Variants in PLCG2 observed in about 807,000 individuals in gnomAD.
PLCG2 encodes 1-phosphatidylinositol 4,5-bisphosphate phosphodiesterase gamma-2.
PLCG2 carries 69 observed loss-of-function variants against 175.6 expected under a neutral mutation model. The ratio of observed to expected loss-of-function variants is 0.39; its 90% confidence interval spans 0.32 to 0.48. PLCG2 has a LOEUF of 0.48. Among genes scored for constraint, PLCG2 ranks in the 20% least tolerant of loss-of-function variants. The pLI is 0.91. For missense variants in PLCG2, 1,798 were observed against 1,650.9 expected (o/e 1.09, Z -1.54); for synonymous variants, 827 against 624.0 (o/e 1.33, Z -4.85).
At chr16:81,789,499 G>C (rs1376292699) in intron 2 of PLCG2, among the ~76,000 whole-genome samples, 2 of 151,814 alleles carry the variant, frequency 1.3e-5, no homozygotes, top group African/African-American at 4.8e-5. Flanking sequence ...ATGTTGCCGA[G>C]GCTGGTCTCC....
intron 2 of PLCG2, among the ~76,000 whole-genome samples, chr16:81,805,667 A>T (rs979438293): frequency 6.6e-6 from 1 of 150,860 alleles, no homozygotes; most frequent in Non-Finnish European, 1.5e-5. Context: ...CCATGTCTCC[A>T]TCCTGCAGTA....
At position 81,934,416 on chromosome 16, in the gene PLCG2, G is replaced by A. The variant is rs1280371637; in HGVS notation, c.2740-13G>A. The A allele has an allele frequency of 3.8e-6, 6 of 1,569,364 alleles. No individual in the cohort carries two copies. The African/African-American group carries it at 4.1e-5, about 11-fold the overall frequency. The stretch of plus-strand genomic sequence containing the variant: ...CTCGGGGGCGGGCACTAAAGACAGT[G>A]AACTCCAAACAGGAGAACAACATGA... On this transcript the variant is annotated splice_polypyrimidine_tract_variant and intron_variant, in intron 25 of 32. Transcript: ENST00000564138.
At chr16:81,781,155 C>T (rs769742716) in intron 1 of PLCG2, among the ~76,000 whole-genome samples, 7 of 152,166 alleles carry the variant, frequency 4.6e-5, no homozygotes, top group Admixed American at 6.5e-5. Context: ...TATCCTCTAC[C>T]CTCTCCCAGC....
intron 1 of PLCG2, among the ~76,000 whole-genome samples, chr16:81,749,628 A>G (rs1318291834): frequency 2.0e-4 from 30 of 152,262 alleles, no homozygotes; most frequent in Non-Finnish European, 1.5e-5. Context: ...TGCTGGAATG[A>G]CAGGCGTGAG....
intron 1 of PLCG2, among the ~76,000 whole-genome samples, chr16:81,749,155 C>T (rs1909759044): frequency 6.6e-6 from 1 of 152,094 alleles, no homozygotes; most frequent in Non-Finnish European, 1.5e-5. Context: ...CATGTTCTCA[C>T]ACTACTGGTT....
At chr16:81,876,111 G>A (rs148072397) in intron 7 of PLCG2, among the ~76,000 whole-genome samples, 9 of 142,568 alleles carry the variant, frequency 6.3e-5, no homozygotes, top group South Asian at 4.5e-4. Context: ...CTGCAGCCTC[G>A]AACTCCCTGG....
At chr16:81,804,277 C>G (rs1487010217) in intron 2 of PLCG2, among the ~76,000 whole-genome samples, 3 of 152,184 alleles carry the variant, frequency 2.0e-5, no homozygotes, top group South Asian at 2.1e-4. Flanking sequence ...CATTGTGGTT[C>G]TGATTTGCAT....
chr16:81,849,224 C>T (rs138393877), intron 2 of PLCG2, among the ~76,000 whole-genome samples: 381 of 152,150 alleles, frequency 2.5e-3, no homozygotes, highest in African/African-American at 8.1e-3. Context: ...GTGGGGATAA[C>T]GTACTGCTTT....
intron 7 of PLCG2, among the ~76,000 whole-genome samples, chr16:81,872,538 A>C (rs963704360): frequency 2.0e-5 from 3 of 152,210 alleles, no homozygotes; most frequent in Non-Finnish European, 4.4e-5. Context: ...TTACCTTTGC[A>C]ATAAAAAGTT....
intron 20 of PLCG2, among the ~76,000 whole-genome samples, chr16:81,920,857 G>C (rs1421001843): frequency 6.6e-6 from 1 of 152,202 alleles, no homozygotes; most frequent in Non-Finnish European, 1.5e-5. Context: ...AACCTGGAAC[G>C]TGGAGTCAGG....
intron 22 of PLCG2, among the ~76,000 whole-genome samples, chr16:81,924,288 A>G (rs1393704202): frequency 6.6e-6 from 1 of 152,248 alleles, no homozygotes; most frequent in Non-Finnish European, 1.5e-5. Flanking sequence ...GCACTGGTTT[A>G]AGCACCTCAT....
intron 1 of PLCG2, among the ~76,000 whole-genome samples, chr16:81,755,585 G>C (rs1909905322): frequency 6.6e-6 from 1 of 151,862 alleles, no homozygotes. Flanking sequence ...GAGTGGGGTG[G>C]TGTGATCTTG....
At chr16:81,868,987 G>A (rs143465688) in intron 5 of PLCG2, among the ~76,000 whole-genome samples, 2 of 152,360 alleles carry the variant, frequency 1.3e-5, no homozygotes, top group Non-Finnish European at 2.9e-5. Context: ...ACCCTACCCT[G>A]TGAGTCTGCT....
intron 2 of PLCG2, among the ~76,000 whole-genome samples, chr16:81,772,860 C>G (rs1355178693): frequency 6.6e-6 from 1 of 152,140 alleles, no homozygotes; most frequent in Non-Finnish European, 1.5e-5. Context: ...GCTTGCTGGT[C>G]TGTGGTGGGA....
At chr16:81,793,866 G>A (rs114741216) in intron 2 of PLCG2, among the ~76,000 whole-genome samples, 2,376 of 152,266 alleles carry the variant, frequency 0.016, 64 homozygotes, top group African/African-American at 0.054. Flanking sequence ...GTTAAGGAAA[G>A]GGCAGAGCTA....
At chr16:81,910,757 G>A in intron 18 of PLCG2, 37 bp downstream of exon 18, 2 of 1,585,042 alleles carry the variant, frequency 1.3e-6, no homozygotes, top group South Asian at 1.1e-5. Flanking sequence ...GCAGGCGGTG[G>A]TCGGGTTAGC....
intron 1 of PLCG2, among the ~76,000 whole-genome samples, chr16:81,753,376 T>G (rs1909853781): frequency 6.8e-6 from 1 of 146,144 alleles, no homozygotes. Flanking sequence ...TGTATTCTGG[T>G]TAAATATGTA....
chr16:81,788,964 G>A (rs1181701729), intron 2 of PLCG2, among the ~76,000 whole-genome samples: 4 of 152,192 alleles, frequency 2.6e-5, no homozygotes, highest in African/African-American at 9.7e-5. Flanking sequence ...CTGGACTGCA[G>A]GTTGTTCCTT....
At chr16:81,957,170 G>T (rs1774476601) in intron 32 of PLCG2, among the ~76,000 whole-genome samples, 2 of 152,038 alleles carry the variant, frequency 1.3e-5, no homozygotes, top group South Asian at 4.1e-4. Flanking sequence ...ATGGTCGTGG[G>T]CGCCTGTAAT....
Sources: allele counts gnomAD v4.1 joint callset (sites outside exome capture counted in the v4.1 genomes callset), GRCh38; gene constraint gnomAD v4.1.1; transcripts MANE v1.5; gene names NCBI Gene and HGNC (gene_info 2026-07-23, HGNC 2026-07-21).